The following PRR16 variants were observed in gnomAD, a reference collection of about 807,000 sequenced individuals.
PRR16 encodes protein Largen.
Under a neutral mutation model 18.2 loss-of-function variants are expected in PRR16, and 6 were observed. That is an observed-to-expected ratio of 0.33 (90% CI 0.18 to 0.65). PRR16 has a LOEUF of 0.65. PRR16 is among the 30% of genes least tolerant of loss of function. PRR16 has a pLI of 0.74. For missense variants in PRR16, 412 were observed against 376.6 expected (o/e 1.09, Z -0.78); for synonymous variants, 151 against 147.8 (o/e 1.02, Z -0.16).
intron 1 of PRR16, among the ~76,000 whole-genome samples, chr5:120,479,250 G>A (rs1402375616): frequency 2.0e-5 from 3 of 152,058 alleles, no homozygotes; most frequent in Non-Finnish European, 4.4e-5. Context: ...TTGCTTGTGG[G>A]GATTGAGTCA....
intron 1 of PRR16, among the ~76,000 whole-genome samples, chr5:120,576,116 AG>A (rs1353583456): frequency 2.0e-5 from 3 of 152,196 alleles, no homozygotes; most frequent in African/African-American, 4.8e-5. Context: ...GTCTAGGCAA[AG>A]ATTTTTTTCG....
intron 1 of PRR16, among the ~76,000 whole-genome samples, chr5:120,579,943 T>C (rs1753211855): frequency 6.6e-6 from 1 of 152,206 alleles, no homozygotes; most frequent in Admixed American, 6.5e-5. Context: ...GAAGAAGTCC[T>C]TCACTTCCCT....
rs1009172538 is a variant in PRR16, at chr5:120,624,978, C to T, written c.160-60976C>T. Among the ~76,000 whole-genome samples the T allele has an allele frequency of 3.9e-5, 6 of 152,294 alleles. No individual in the cohort carries two copies. The East Asian group carries it at 1.2e-3, about 29-fold the overall frequency. ...GCCACCATGTGAGATGTGCCTTTCA[C>T]CTGCCGCCATGATTGTGAGACCTCC... On this transcript the variant is annotated intron_variant, in intron 1 of 1. Coordinates refer to ENST00000407149, the MANE Select transcript of PRR16 (RefSeq NM_001300783.2).
intron 1 of PRR16, among the ~76,000 whole-genome samples, chr5:120,522,948 A>G (rs1751234647): frequency 6.6e-6 from 1 of 152,006 alleles, no homozygotes; most frequent in Non-Finnish European, 1.5e-5. Flanking sequence ...TATATACTAC[A>G]TTGTAATTTG....
the PRR16 span, among the ~76,000 whole-genome samples, chr5:120,695,667 A>G: frequency 6.6e-6 from 1 of 152,188 alleles, no homozygotes; most frequent in Non-Finnish European, 1.5e-5. Flanking sequence ...TAAAATTCTT[A>G]CGTCTGGTCT....
the PRR16 span, among the ~76,000 whole-genome samples, chr5:120,702,227 G>C: frequency 1.3e-5 from 2 of 150,138 alleles, no homozygotes; most frequent in South Asian, 4.3e-4. Context: ...GAAATAAGGG[G>C]TCGGGACACA....
chr5:120,492,477 G>A (rs796389132), intron 1 of PRR16, among the ~76,000 whole-genome samples: 12 of 151,958 alleles, frequency 7.9e-5, no homozygotes, highest in African/African-American at 2.9e-4. Context: ...ACTATTACTG[G>A]TTTTTGCTTA....
the PRR16 span, among the ~76,000 whole-genome samples, chr5:120,753,967 A>G: frequency 2.8e-5 from 3 of 108,802 alleles, no homozygotes; most frequent in African/African-American, 9.9e-5. Context: ...TATATAATAT[A>G]TGTTATATAA....
intron 1 of PRR16, among the ~76,000 whole-genome samples, chr5:120,625,608 G>A (rs1366898259): frequency 6.6e-6 from 1 of 152,126 alleles, no homozygotes; most frequent in African/African-American, 2.4e-5. Flanking sequence ...AAAGTGCTGG[G>A]ATTACAGGTA....
At chr5:120,770,054 A>C in the PRR16 span, among the ~76,000 whole-genome samples, 1 of 151,906 alleles carries the variant, frequency 6.6e-6, no homozygotes, top group Admixed American at 6.6e-5. Flanking sequence ...AAATTGGGTT[A>C]TTGTTAATTG....
intron 1 of PRR16, among the ~76,000 whole-genome samples, chr5:120,550,323 C>T (rs772578063): frequency 2.6e-5 from 4 of 151,998 alleles, no homozygotes; most frequent in Non-Finnish European, 4.4e-5. Context: ...ATAGAAATTA[C>T]TTGACTGTAA....
At chr5:120,525,378 G>C (rs1211270947) in intron 1 of PRR16, among the ~76,000 whole-genome samples, 1 of 151,964 alleles carries the variant, frequency 6.6e-6, no homozygotes, top group Non-Finnish European at 1.5e-5. Context: ...ATGAATTGTA[G>C]CTTCATTGTT....
At chr5:120,554,568 C>T (rs1260695366) in intron 1 of PRR16, among the ~76,000 whole-genome samples, 3 of 151,856 alleles carry the variant, frequency 2.0e-5, no homozygotes, top group Admixed American at 2.0e-4. Context: ...AGAGGCAATT[C>T]TATTGCCTGA....
the PRR16 span, among the ~76,000 whole-genome samples, chr5:120,737,252 TACATA>T: frequency 6.6e-6 from 1 of 151,832 alleles, no homozygotes; most frequent in Non-Finnish European, 1.5e-5. Flanking sequence ...CTGTGGCTTT[TACATA>T]TATGGCTTTA....
chr5:120,676,546 G>GCT (rs1464184899), intron 1 of PRR16, among the ~76,000 whole-genome samples: 1 of 150,146 alleles, frequency 6.7e-6, no homozygotes, highest in Admixed American at 6.7e-5. Context: ...GTGTGTGTGT[G>GCT]TGCGTGTGTA....
chr5:120,742,465 C>T, the PRR16 span, among the ~76,000 whole-genome samples: 2 of 150,564 alleles, frequency 1.3e-5, no homozygotes, highest in Non-Finnish European at 3.0e-5. Flanking sequence ...ATATTAGCTA[C>T]CCCTTGATCT....
At chr5:120,481,184 G>T (rs767621774) in intron 1 of PRR16, 53 of 946,970 alleles carry the variant, frequency 5.6e-5, no homozygotes, top group Non-Finnish European at 7.5e-5. Flanking sequence ...GTCCCACTCT[G>T]TTGCCCAGGC....
intron 1 of PRR16, among the ~76,000 whole-genome samples, chr5:120,676,973 G>A (rs934865042): frequency 1.3e-5 from 2 of 152,178 alleles, no homozygotes; most frequent in African/African-American, 4.8e-5. Flanking sequence ...TAACCAAACT[G>A]TGATATAATT....
the PRR16 span, among the ~76,000 whole-genome samples, chr5:120,716,307 C>T: frequency 1.8e-4 from 28 of 152,236 alleles, no homozygotes; most frequent in African/African-American, 6.5e-4. Context: ...TCTTGTTCTT[C>T]GAATCAAGTG....
Sources: gnomAD v4.1 joint callset for allele counts (sites outside exome capture counted in the v4.1 genomes callset) on GRCh38, gnomAD v4.1.1 for gene constraint, MANE v1.5 for transcripts, NCBI Gene and HGNC (gene_info 2026-07-23, HGNC 2026-07-21) for gene names.